The following ZNF829 variants were observed in gnomAD, a reference collection of about 807,000 sequenced individuals.
The protein encoded by ZNF829 is zinc finger protein 829.
In ZNF829, 25 loss-of-function variants were observed where a neutral mutation model predicts 35.2. The observed-to-expected ratio is 0.71, with a 90% CI of 0.52 to 0.99. ZNF829 has a LOEUF of 0.99. ZNF829 is among the 50% of genes least tolerant of loss of function. The pLI, the probability that ZNF829 is intolerant of heterozygous loss-of-function variation, is 0.00. For missense variants in ZNF829, 417 were observed against 515.3 expected, an observed-to-expected ratio of 0.81 and a Z score of 1.85; for synonymous variants, 136 against 163.2, an observed-to-expected ratio of 0.83 and a Z score of 1.27.
chr19:36,894,083 C>CTCA (rs2073088836), intron 5 of ZNF829, among the ~76,000 whole-genome samples: 2 of 152,270 alleles, frequency 1.3e-5, no homozygotes, highest in South Asian at 4.1e-4. Context: ...TGGCATACCC[C>CTCA]TCATCCTATC....
intron 5 of ZNF829, among the ~76,000 whole-genome samples, chr19:36,900,496 A>T (rs2146236810): frequency 6.6e-6 from 1 of 152,184 alleles, no homozygotes; most frequent in African/African-American, 2.4e-5. Flanking sequence ...CATGTAACCC[A>T]TAAATATACA....
intron 5 of ZNF829, among the ~76,000 whole-genome samples, chr19:36,896,255 G>A (rs1243347129): frequency 2.0e-5 from 3 of 151,478 alleles, no homozygotes; most frequent in Non-Finnish European, 4.4e-5. Context: ...AGCCTGAAGT[G>A]AGCCGGGTTC....
At chr19:36,898,741 A>G (rs577778355) in intron 5 of ZNF829, among the ~76,000 whole-genome samples, 2 of 152,304 alleles carry the variant, frequency 1.3e-5, no homozygotes, top group East Asian at 3.9e-4. Context: ...GGTGCCAAGA[A>G]CAGACATAGG....
chr19:36,913,889 A>C (rs1469700219), intron 3 of ZNF829, among the ~76,000 whole-genome samples: 1 of 152,190 alleles, frequency 6.6e-6, no homozygotes, highest in Non-Finnish European at 1.5e-5. Context: ...TCAAGACTGT[A>C]TGATACTGGC....
chr19:36,899,639 A>G (rs1332727416), intron 5 of ZNF829, among the ~76,000 whole-genome samples: 3 of 151,868 alleles, frequency 2.0e-5, no homozygotes, highest in Non-Finnish European at 4.4e-5. Context: ...GTATCGATAA[A>G]AACTAAAAAA....
intron 5 of ZNF829, among the ~76,000 whole-genome samples, chr19:36,901,329 A>G (rs1365804316): frequency 6.6e-6 from 1 of 152,180 alleles, no homozygotes; most frequent in East Asian, 1.9e-4. Context: ...CATAGAGAAA[A>G]TCAACTCATG....
chr19:36,895,423 A>G (rs1205089031), intron 5 of ZNF829, among the ~76,000 whole-genome samples: 1 of 152,220 alleles, frequency 6.6e-6, no homozygotes, highest in African/African-American at 2.4e-5. Flanking sequence ...TAACCATTAC[A>G]TAAAACCACC....
chr19:36,914,352 C>G (rs1169947041), intron 3 of ZNF829, among the ~76,000 whole-genome samples: 1 of 152,006 alleles, frequency 6.6e-6, no homozygotes, highest in Non-Finnish European at 1.5e-5. Context: ...ACATAAATAA[C>G]TCATACGAAT....
intron 5 of ZNF829, among the ~76,000 whole-genome samples, chr19:36,903,020 A>G (rs1036874198): frequency 2.6e-5 from 4 of 152,210 alleles, no homozygotes; most frequent in Non-Finnish European, 5.9e-5. Context: ...TGGGCGACAG[A>G]GCGAATCTCC....
rs1215909467 is a variant in ZNF829 at position 36,916,281 on chromosome 19, A to G, written c.-355T>C. On this transcript the variant is annotated 5_prime_UTR_variant, in exon 1 of 6. Coordinates refer to ENST00000391711, the MANE Select transcript of ZNF829 (RefSeq NM_001037232.4). This position sits in a 1 kb window ranked among gnomAD's most constrained non-coding sequence, Gnocchi z 5.3. Reference sequence around the variant, plus strand: ...AAGCCTCACCCTCACACAGGAAAGCAGATGTGTTCTGGCCGGAAGTTGAGT... The same window carrying G: ...AAGCCTCACCCTCACACAGGAAAGCGGATGTGTTCTGGCCGGAAGTTGAGT... The G allele has an allele frequency of 3.8e-6, 1 of 262,760 alleles. No individual in the cohort carries two copies. The highest frequency in any genetic ancestry group is 7.2e-6 in the Non-Finnish European group (1 of 138,812). 16.3% of individuals were successfully genotyped at this position (262,760 alleles called of 1,614,324 possible).
At position 36,891,240 on chromosome 19, in the gene ZNF829, TC is replaced by T; in HGVS notation, c.*251del. The T allele has an allele frequency of 5.1e-6, 2 of 395,922 alleles. No individual in the cohort carries two copies. The highest frequency in any genetic ancestry group is 6.9e-5 in the South Asian group (1 of 14,504). The allele number at this position is 395,922 out of a possible 1,614,324, so 24.5% of individuals were successfully genotyped here. ...GGTTAGGAAAAAGGCATAGAACAGA[TC>T]CTCAGAGTCCTCAGAAGGAACCAAA... On this transcript the variant is annotated 3_prime_UTR_variant, in exon 6 of 6. Transcript: ENST00000391711.
At chr19:36,914,287 G>C (rs980325228) in intron 3 of ZNF829, among the ~76,000 whole-genome samples, 2 of 152,102 alleles carry the variant, frequency 1.3e-5, no homozygotes, top group Admixed American at 6.6e-5. Flanking sequence ...TACAGGAAAT[G>C]ATGAAATAGT....
chr19:36,889,120 C>T lies in ZNF829; in HGVS notation c.*2372G>A, dbSNP rs1357998125. ...ATGTATTGAGTTGCATATGTTGAGCCATCCTTACACCCCAGGAATAAAATC... is the reference window on the plus strand; with the variant it reads ...ATGTATTGAGTTGCATATGTTGAGCTATCCTTACACCCCAGGAATAAAATC... On this transcript the variant is annotated 3_prime_UTR_variant, in exon 6 of 6. Coordinates refer to ENST00000391711, the MANE Select transcript of ZNF829 (RefSeq NM_001037232.4). 6.6e-6 allele frequency: 1 copy of T among 152,114 alleles called. No individual in the cohort carries two copies. The highest frequency in any genetic ancestry group is 2.1e-4 in the South Asian group (1 of 4,826). The allele number at this position is 152,114 out of a possible 1,614,324, so 9.4% of individuals were successfully genotyped here.
At chr19:36,903,743 T>G (rs749453622) in intron 5 of ZNF829, among the ~76,000 whole-genome samples, 3 of 148,570 alleles carry the variant, frequency 2.0e-5, no homozygotes, top group South Asian at 2.2e-4. Context: ...ATAAAAAAAT[T>G]AGCCGGGCAT....
In ZNF829 at chr19:36,916,009, A is replaced by G; in HGVS notation, c.-85+2T>C. 7.7e-7 allele frequency: 1 copy of G among 1,296,222 alleles called. No individual in the cohort carries two copies. The highest frequency in any genetic ancestry group is 1.0e-6 in the Non-Finnish European group (1 of 953,194). 80.3% of individuals were successfully genotyped at this position (1,296,222 alleles called of 1,614,324 possible). A position where few individuals can be genotyped will look rare whatever the true frequency, so the allele number is the denominator to read the frequency against. ...GTTCTCCTGGGGACCAAAATATCTCACCTCCCAGATCTAAGGGTCCCGCCA... is the reference window on the plus strand; with the variant it reads ...GTTCTCCTGGGGACCAAAATATCTCGCCTCCCAGATCTAAGGGTCCCGCCA... On this transcript the variant is annotated splice_donor_variant, in intron 1 of 5. Coordinates refer to ENST00000391711, the MANE Select transcript of ZNF829 (RefSeq NM_001037232.4). LOFTEE classifies it low-confidence loss of function (5UTR_SPLICE). The surrounding 1 kb of genome is among the most constrained non-coding windows in gnomAD (Gnocchi z 5.3).
intron 4 of ZNF829, 27 bp downstream of exon 4, chr19:36,908,305 CT>C (rs2073235630): frequency 3.1e-6 from 5 of 1,597,270 alleles, no homozygotes; most frequent in Non-Finnish European, 3.4e-6. Context: ...AGGGCACACT[CT>C]GAATTTTGGG....
rs778613616 is a variant in ZNF829 at position 36,892,190 on chromosome 19, G to T, written c.601C>A (p.Arg201=). 4.3e-6 allele frequency: 7 copies of T among 1,614,082 alleles called. No homozygotes were observed. The Middle Eastern group carries it at 4.9e-4, about 114-fold the overall frequency. The change falls in exon 6 of 6, where the codon CGA becomes AGA. Residue 201 remains arginine, a synonymous_variant. Transcript: ENST00000391711. Reference sequence around the variant, plus strand: ...TTACCAGTGTGAATCCTCTGATGTCGAGTAACGAGTGAGCCACGACTAAAG... The same window carrying T: ...TTACCAGTGTGAATCCTCTGATGTCTAGTAACGAGTGAGCCACGACTAAAG... The part of the protein sequence containing the change: ...KSFSRGSLVT[R]HQRIHTGKKP...
intron 5 of ZNF829, chr19:36,892,692 T>C: frequency 1.6e-6 from 1 of 613,226 alleles, no homozygotes; most frequent in Admixed American, 3.5e-5. Context: ...ACCTCTATGA[T>C]CCTCAAATTT....
At chr19:36,899,711 A>G (rs1049709063) in intron 5 of ZNF829, among the ~76,000 whole-genome samples, 1 of 151,034 alleles carries the variant, frequency 6.6e-6, no homozygotes, top group African/African-American at 2.4e-5. Context: ...TCTATTGTAT[A>G]CTAGAAATTT....
Sources: gnomAD v4.1 joint callset for allele counts (sites outside exome capture counted in the v4.1 genomes callset) on GRCh38, gnomAD v4.1.1 for gene constraint, Gnocchi (gnomAD v3.1) non-coding constraint, MANE v1.5 for transcripts, NCBI Gene and HGNC (gene_info 2026-07-23, HGNC 2026-07-21) for gene names.